The following SLX4 variants were observed in gnomAD, a reference collection of about 807,000 sequenced individuals.
SLX4 encodes SLX4 structure-specific endonuclease subunit.
In SLX4, 112 loss-of-function variants were observed where a neutral mutation model predicts 146.2. That is an observed-to-expected ratio of 0.77 (90% CI 0.66 to 0.90). The LOEUF is 0.90. SLX4 is among the 40% of genes least tolerant of loss of function. SLX4 has a pLI of 0.00. For synonymous variants in SLX4, 1,061 were observed against 997.7 expected, an observed-to-expected ratio of 1.06 and a Z score of -1.20; for missense variants, 2,563 against 2,392.7, an observed-to-expected ratio of 1.07 and a Z score of -1.49.
chr16:3,607,372 G>C (rs1389991630), intron 2 of SLX4, among the ~76,000 whole-genome samples: 1 of 152,196 alleles, frequency 6.6e-6, no homozygotes, highest in Non-Finnish European at 1.5e-5. Context: ...CAGGAAGTGA[G>C]GGCAAAGGAA....
chr16:3,590,020 G>C lies in SLX4; in HGVS notation c.3618C>G (p.Ser1206Arg). ...GCAGCACAGCTTCGCTTCTTGGTGG[G>C]CTCTGGGAAGGTTCCTGATCTGCAT... ...DVDADQEPSQ[S>R]PPRSEAVLQQ... Residue 1206 changes from serine (S) to arginine (R), a missense_variant, in exon 12 of 15, where the codon AGC (serine) becomes AGG (arginine). Transcript: ENST00000294008. The surrounding 1 kb of genome is among the most constrained non-coding windows in gnomAD (Gnocchi z 4.8). The C allele has an allele frequency of 1.9e-6, 3 of 1,614,114 alleles. No homozygotes were observed. The highest frequency in any genetic ancestry group is 2.5e-6 in the Non-Finnish European group (3 of 1,180,034).
Position 3,609,213 on chromosome 16 carries a change from C to A in SLX4, c.-249G>T. ...CCTGAGGTCAGAAGTTCGAGACCAG[C>A]CTGGCCAATATGGTGAAACCTCGTT... On this transcript the variant is annotated 5_prime_UTR_variant, in exon 2 of 15. Transcript: ENST00000294008. 1 of 445,936 alleles carries A rather than the reference C, an allele frequency of 2.2e-6. No homozygotes were observed. Among genetic ancestry groups the A allele is most frequent in the East Asian group, 4.0e-5 (1 of 24,732 alleles). The allele number at this position is 445,936 out of a possible 1,614,324, so 27.6% of individuals were successfully genotyped here.
At chr16:3,584,221 G>C (rs1248872762) in intron 13 of SLX4, among the ~76,000 whole-genome samples, 2 of 152,124 alleles carry the variant, frequency 1.3e-5, no homozygotes, top group Non-Finnish European at 2.9e-5. Context: ...AGGAGTTCGA[G>C]ACCAGCCTGG....
chr16:3,602,600 A>C lies in SLX4; in HGVS notation c.761-293T>G, dbSNP rs76743466. Among the ~76,000 whole-genome samples the C allele has an allele frequency of 0.05, 7,603 of 152,200 alleles. 248 individuals carry two copies. Among genetic ancestry groups the C allele is most frequent in the Admixed American group, 0.068 (1,041 of 15,288 alleles). ...CCAGGTGCAGCCTGAGACTCTCCGC[A>C]TTTCTAGCAGCCTCCAGGCTTGGCG... On this transcript the variant is annotated intron_variant, in intron 3 of 14. Transcript: ENST00000294008.
In SLX4 at chr16:3,608,753, G is replaced by A. The variant is rs2040815002; in HGVS notation, c.212C>T (p.Ser71Leu). ...AGCCTTTTGTGTCTTCCTTTCTCCT[G>A]ACACTTCCTTGATTCCATGTTTTTT... ...RVKKHGIKEV[S>L]GERKTQKAAS... The change falls in exon 2 of 15, where the codon TCA becomes TTA. Residue 71 changes from serine to leucine, a missense_variant. Transcript: ENST00000294008. The A allele has an allele frequency of 6.2e-7, 1 of 1,614,022 alleles. No homozygotes were observed. Among genetic ancestry groups the A allele is most frequent in the African/African-American group, 1.3e-5 (1 of 74,898 alleles).
In SLX4 at chr16:3,589,342, G is replaced by T; in HGVS notation, c.4296C>A (p.Pro1432=). The change falls in exon 12 of 15, where the codon CCC becomes CCA. Residue 1432 remains proline (P), a synonymous_variant. Transcript: ENST00000294008. The surrounding 1 kb of genome is among the most constrained non-coding windows in gnomAD (Gnocchi z 6.2). ...PIDDCCWHME[P]LSPIPIDHWN... is the part of the protein sequence containing the mutation. ...AGTGGTCAATGGGAATTGGCGAGAG[G>T]GGCTCCATGTGCCAGCAGCAGTCGT... The T allele has an allele frequency of 6.3e-7, 1 of 1,579,206 alleles. No homozygotes were observed. Among genetic ancestry groups the T allele is most frequent in the African/African-American group, 1.4e-5 (1 of 74,066 alleles).
chr16:3,591,287 T>C lies in SLX4; in HGVS notation c.2351A>G (p.His784Arg), dbSNP rs749664527. ...AHRFGVSELV[H>R]LCEQVPIATD... ...GGCAATAGGCACCTGTTCGCACAGGTGAACGAGCTCACTCACGCCAAACCT... is the reference window on the plus strand; with the variant it reads ...GGCAATAGGCACCTGTTCGCACAGGCGAACGAGCTCACTCACGCCAAACCT... The change falls in exon 12 of 15, where the codon CAC (histidine) becomes CGC (arginine). Residue 784 changes from histidine to arginine, a missense_variant. His to Arg is a conservative substitution (Grantham distance 29). Coordinates refer to ENST00000294008, the MANE Select transcript of SLX4 (RefSeq NM_032444.4). 2 of 1,611,900 alleles carry C rather than the reference T, an allele frequency of 1.2e-6. No individual in the cohort carries two copies. The highest frequency in any genetic ancestry group is 4.5e-5 in the East Asian group (2 of 44,884).
chr16:3,611,439 G>A (rs2040871652), intron 1 of SLX4, 121 bp downstream of exon 1: 1 of 152,294 alleles, frequency 6.6e-6, no homozygotes, highest in East Asian at 1.9e-4. Context: ...AGGCCACGGA[G>A]CCAGCGAGGG....
intron 12 of SLX4, 88 bp downstream of exon 12, chr16:3,588,914 C>A (rs986837254): frequency 6.5e-7 from 1 of 1,543,648 alleles, no homozygotes; most frequent in Non-Finnish European, 8.9e-7. Context: ...AGAGGGCAGC[C>A]CCTGGGTCTC....
At chr16:3,594,660 T>C (rs2040631397) in intron 9 of SLX4, 61 bp from the exon 10 acceptor site, 1 of 1,609,538 alleles carries the variant, frequency 6.2e-7, no homozygotes, top group African/African-American at 1.3e-5. Flanking sequence ...AACTGGGCAG[T>C]GGGAAGCTCC....
At chr16:3,605,946 C>CAAA (rs1181232820) in intron 3 of SLX4, among the ~76,000 whole-genome samples, 17 of 26,970 alleles carry the variant, frequency 6.3e-4, no homozygotes, top group South Asian at 2.2e-3. Context: ...GACTCCATCT[C>CAAA]AAAAAAAAAA....
Position 3,589,252 on chromosome 16 carries a change from G to GGCGGCCTCGTTCATCCT in SLX4, c.4369_4385dup (p.Asp1463GlyfsTer2). On this transcript the variant is annotated stop_gained and frameshift_variant, in exon 12 of 15. Coordinates refer to ENST00000294008, the MANE Select transcript of SLX4 (RefSeq NM_032444.4). LOFTEE classifies it high-confidence loss of function. The surrounding 1 kb of genome is among the most constrained non-coding windows in gnomAD (Gnocchi z 6.2). ...CCGGGGAGCGACAGTCACGGCTGTC[G>GGCGGCCTCGTTCATCCT]GCGGCCTCGTTCATCCTGCGGCTGG... 19 of 1,605,552 alleles carry GGCGGCCTCGTTCATCCT rather than the reference G, an allele frequency of 1.2e-5. No homozygotes were observed. The highest frequency in any genetic ancestry group is 1.5e-5 in the Non-Finnish European group (18 of 1,174,356).
rs749541646 is a variant in SLX4, at chr16:3,608,980, C to T, written c.-16G>A. 1.2e-6 allele frequency: 2 copies of T among 1,610,548 alleles called. No individual in the cohort carries two copies. The highest frequency in any genetic ancestry group is 2.2e-5 in the South Asian group (2 of 90,944). On this transcript the variant is annotated 5_prime_UTR_variant, in exon 2 of 15. Transcript: ENST00000294008. ...TCAGTTTCATTAGGGTTCTTCTCTA[C>T]TTCTCCATTAGATACTTGGAGAGTT...
At chr16:3,586,195 A>G (rs569068123) in intron 12 of SLX4, among the ~76,000 whole-genome samples, 3 of 152,304 alleles carry the variant, frequency 2.0e-5, no homozygotes, top group East Asian at 1.9e-4. Flanking sequence ...TTGCACATCA[A>G]TATTCCTAAG....
rs779769996 is a variant in SLX4 at position 3,589,325 on chromosome 16, A to G, written c.4313T>C (p.Ile1438Thr). Residue 1438 changes from isoleucine to threonine, a missense_variant, in exon 12 of 15, where the codon ATT becomes ACT. Coordinates refer to ENST00000294008, the MANE Select transcript of SLX4 (RefSeq NM_032444.4). The surrounding 1 kb of genome is among the most constrained non-coding windows in gnomAD (Gnocchi z 6.2). ...WHMEPLSPIP[I>T]DHWNLERTGP... is the part of the protein sequence containing the mutation. Reference sequence around the variant, plus strand: ...GGTCCGCTCCAGGTTCCAGTGGTCAATGGGAATTGGCGAGAGGGGCTCCAT... The same window carrying G: ...GGTCCGCTCCAGGTTCCAGTGGTCAGTGGGAATTGGCGAGAGGGGCTCCAT... 1.3e-5 allele frequency: 20 copies of G among 1,578,992 alleles called. No individual in the cohort carries two copies. The highest frequency in any genetic ancestry group is 2.2e-5 in the East Asian group (1 of 44,508).
In SLX4 at chr16:3,582,340, C is replaced by A. The variant is rs1468724633; in HGVS notation, c.*2G>T. ...GGTTGGGGTGGGGTCGGGATGGCCC[C>A]ATCAGTTCCGCTCCACCTTCTTCTT... On this transcript the variant is annotated 3_prime_UTR_variant, in exon 15 of 15. Coordinates refer to ENST00000294008, the MANE Select transcript of SLX4 (RefSeq NM_032444.4). The A allele has an allele frequency of 6.2e-7, 1 of 1,610,198 alleles. No individual in the cohort carries two copies. Among genetic ancestry groups the A allele is most frequent in the Admixed American group, 1.7e-5 (1 of 60,028 alleles).
chr16:3,610,627 C>A (rs548313887), intron 1 of SLX4, among the ~76,000 whole-genome samples: 1 of 152,266 alleles, frequency 6.6e-6, no homozygotes, highest in South Asian at 2.1e-4. Context: ...GGGATCAAAC[C>A]CAGGAAGTGT....
intron 10 of SLX4, among the ~76,000 whole-genome samples, chr16:3,594,081 A>C (rs1245132273): frequency 1.3e-4 from 20 of 151,884 alleles, no homozygotes. Flanking sequence ...CTGTGTTAGG[A>C]TGGTCTTGAT....
chr16:3,601,782 T>TTAGTGG (rs1567175806), intron 4 of SLX4: 1 of 352,726 alleles, frequency 2.8e-6, no homozygotes, highest in Non-Finnish European at 5.4e-6. Context: ...AGAATGTTGA[T>TTAGTGG]TAGTGGTTGT....
Sources: allele counts gnomAD v4.1 joint callset (sites outside exome capture counted in the v4.1 genomes callset), GRCh38; gene constraint gnomAD v4.1.1; non-coding constraint Gnocchi (gnomAD v3.1); transcripts MANE v1.5; gene names NCBI Gene and HGNC (gene_info 2026-07-23, HGNC 2026-07-21).